ZNF503: variants seen among roughly 807,000 people sequenced by gnomAD.
ZNF503 encodes NocA-like zinc finger 2.
ZNF503 carries 15 observed loss-of-function variants against 34.4 expected under a neutral mutation model. The ratio of observed to expected loss-of-function variants is 0.44; its 90% CI spans 0.29 to 0.67. The LOEUF (loss-of-function observed/expected upper bound fraction) is 0.67. ZNF503 is among the 30% of genes least tolerant of loss of function. The probability of loss-of-function intolerance (pLI) is 0.13; values close to 1 mark genes in which losing one functional copy is unlikely to be tolerated. For missense variants in ZNF503, 1,007 were observed against 926.8 expected (o/e 1.09, Z -1.12); for synonymous variants, 580 against 456.8 (o/e 1.27, Z -3.44).
chr10:75,328,522 C>T, the ZNF503 span, among the ~76,000 whole-genome samples: 3 of 152,196 alleles, frequency 2.0e-5, 1 homozygote, highest in South Asian at 4.1e-4. Flanking sequence ...ATTTTGAATT[C>T]TGGTATTATG....
chr10:75,329,417 T>C, the ZNF503 span, among the ~76,000 whole-genome samples: 3,583 of 63,638 alleles, frequency 0.056, 67 homozygotes, highest in Middle Eastern at 0.11. Flanking sequence ...TTCCTTCCTT[T>C]CCTTCCTTCC....
At chr10:75,338,649 G>A in the ZNF503 span, among the ~76,000 whole-genome samples, 11 of 152,186 alleles carry the variant, frequency 7.2e-5, no homozygotes, top group Non-Finnish European at 1.3e-4. Context: ...CCTCTCTCCT[G>A]GGACTTTTGA....
chr10:75,313,993 G>A, the ZNF503 span, among the ~76,000 whole-genome samples: 1 of 152,192 alleles, frequency 6.6e-6, no homozygotes, highest in Non-Finnish European at 1.5e-5. Context: ...TTTTTCAAAT[G>A]TGAAGATACC....
rs894392559 is a variant in ZNF503, at chr10:75,400,141, C to T, written c.549G>A (p.Ser183=). 27 of 1,553,894 alleles carry T rather than the reference C, an allele frequency of 1.7e-5. No homozygotes were observed. In the East Asian group the frequency reaches 6.1e-4, roughly 35 times the overall value. ...SSFKPYSKPG[S]DKKEPGGGGG... is the part of the protein sequence containing the mutation. The stretch of plus-strand genomic sequence containing the variant: ...CGCCGCCTCCCGGCTCCTTCTTATC[C>T]GAGCCGGGTTTGGAGTACGGCTTGA... The change falls in exon 2 of 2, where the codon TCG becomes TCA. Residue 183 remains serine (S), a synonymous_variant. Coordinates refer to ENST00000372524, the MANE Select transcript of ZNF503 (RefSeq NM_032772.6).
rs1404257895 is a variant in ZNF503, at chr10:75,401,168, A to T, written c.252T>A (p.Thr84=). ...GGTACTCGGGGTGCAAAATGTGGCC[A>T]GTTCGTGCCGTCAGCATCTTCAGCA... ...IKVLKMLTAR[T]GHILHPEYLQ... is the part of the protein sequence containing the mutation. Residue 84 remains threonine (T), a synonymous_variant, in exon 1 of 2, where the codon ACT becomes ACA. Transcript: ENST00000372524. The T allele has an allele frequency of 6.8e-6, 11 of 1,611,700 alleles. No individual in the cohort carries two copies. Among genetic ancestry groups the T allele is most frequent in the Non-Finnish European group, 9.3e-6 (11 of 1,178,686 alleles).
the ZNF503 span, among the ~76,000 whole-genome samples, chr10:75,321,956 A>G: frequency 6.6e-6 from 1 of 152,170 alleles, no homozygotes; most frequent in Admixed American, 6.5e-5. Flanking sequence ...TTGTTCTTCT[A>G]GTATCTTAAT....
the ZNF503 span, among the ~76,000 whole-genome samples, chr10:75,302,738 A>C: frequency 6.6e-6 from 1 of 152,198 alleles, no homozygotes; most frequent in Non-Finnish European, 1.5e-5. Context: ...AGATTGATGG[A>C]GCCACTGGTC....
chr10:75,381,805 C>CTTTTTTTGTTTT, the ZNF503 span, among the ~76,000 whole-genome samples: 3 of 38,652 alleles, frequency 7.8e-5, no homozygotes, highest in Admixed American at 3.4e-4. Flanking sequence ...GAACCTAATT[C>CTTTTTTTGTTTT]TTTTTTTTTT....
At chr10:75,345,706 T>C in the ZNF503 span, among the ~76,000 whole-genome samples, 1 of 146,046 alleles carries the variant, frequency 6.8e-6, no homozygotes, top group Admixed American at 6.8e-5. Context: ...GAGCTCACCA[T>C]CAGGAAATGG....
chr10:75,398,965 G>C lies in ZNF503; in HGVS notation c.1725C>G (p.Ile575Met). Reference sequence around the variant, plus strand: ...GGCTGCCCGGTGCGCCCGAGGTGGGGATGTGCATGTGGCAAGCCATGGCGG... The same window carrying C: ...GGCTGCCCGGTGCGCCCGAGGTGGGCATGTGCATGTGGCAAGCCATGGCGG... Reference protein sequence around the residue: ...AAAAMACHMHIPTSGAPGSPG... With the variant: ...AAAAMACHMHMPTSGAPGSPG... The change falls in exon 2 of 2, where the codon ATC (isoleucine) becomes ATG (methionine). Residue 575 changes from isoleucine (I) to methionine (M), a missense_variant. Transcript: ENST00000372524. The C allele has an allele frequency of 6.2e-7, 1 of 1,604,578 alleles. No homozygotes were observed. The highest frequency in any genetic ancestry group is 8.5e-7 in the Non-Finnish European group (1 of 1,178,854).
the ZNF503 span, among the ~76,000 whole-genome samples, chr10:75,352,771 C>T: frequency 6.6e-6 from 1 of 152,226 alleles, no homozygotes; most frequent in African/African-American, 2.4e-5. Context: ...AACTCAATAA[C>T]TCAAGGGCAC....
the ZNF503 span, among the ~76,000 whole-genome samples, chr10:75,375,083 G>C: frequency 6.6e-6 from 1 of 152,188 alleles, no homozygotes; most frequent in Admixed American, 6.5e-5. Flanking sequence ...GAAGGATTAA[G>C]TGAAGTTAAA....
chr10:75,378,528 C>A, the ZNF503 span, among the ~76,000 whole-genome samples: 1 of 152,124 alleles, frequency 6.6e-6, no homozygotes, highest in Non-Finnish European at 1.5e-5. Flanking sequence ...CTCCCTCCCT[C>A]CCTCAGCCCA....
At chr10:75,383,648 T>C in the ZNF503 span, among the ~76,000 whole-genome samples, 10 of 152,244 alleles carry the variant, frequency 6.6e-5, no homozygotes, top group Non-Finnish European at 1.3e-4. Flanking sequence ...TTAAATCAAC[T>C]AACCAGTCAC....
the ZNF503 span, among the ~76,000 whole-genome samples, chr10:75,282,235 G>A: frequency 1.3e-5 from 2 of 152,242 alleles, no homozygotes; most frequent in African/African-American, 4.8e-5. Context: ...AGGTGAGAGA[G>A]ATGGGATCTG....
rs150950256 is a variant in ZNF503, at chr10:75,401,196, T to C, written c.224A>G (p.Lys75Arg). 5 of 1,609,236 alleles carry C rather than the reference T, an allele frequency of 3.1e-6. No homozygotes were observed. The highest frequency in any genetic ancestry group is 4.2e-6 in the Non-Finnish European group (5 of 1,177,364). The change falls in exon 1 of 2, where the codon AAG (lysine) becomes AGG (arginine). Residue 75 changes from lysine (K) to arginine (R), a missense_variant. Transcript: ENST00000372524. ...PLRQANRLPI[K>R]VLKMLTARTG... is the part of the protein sequence containing the mutation. ...TCGTGCCGTCAGCATCTTCAGCACC[T>C]TGATTGGCAGGCGGTTGGCCTGGCG...
the ZNF503 span, among the ~76,000 whole-genome samples, chr10:75,329,459 CTCTT>C: frequency 0.032 from 1,759 of 54,304 alleles, 49 homozygotes; most frequent in African/African-American, 0.073. Flanking sequence ...TTCTTTCTTT[CTCTT>C]TCTTTCTTTC....
chr10:75,324,308 T>G, the ZNF503 span, among the ~76,000 whole-genome samples: 157 of 145,060 alleles, frequency 1.1e-3, no homozygotes, highest in African/African-American at 3.1e-3. Context: ...TGATCCTTTT[T>G]TTTGTTTGTT....
chr10:75,345,649 A>AG, the ZNF503 span, among the ~76,000 whole-genome samples: 4 of 150,674 alleles, frequency 2.7e-5, no homozygotes, highest in Non-Finnish European at 5.9e-5. Flanking sequence ...AAAAAAAAAA[A>AG]AAAGAAAAGA....
Sources: allele counts gnomAD v4.1 joint callset (sites outside exome capture counted in the v4.1 genomes callset), GRCh38; gene constraint gnomAD v4.1.1; transcripts MANE v1.5; gene names NCBI Gene and HGNC (gene_info 2026-07-23, HGNC 2026-07-21).